The following OR1F1 variants were observed in gnomAD, a reference collection of about 807,000 sequenced individuals.
The protein encoded by OR1F1 is olfactory receptor family 1 subfamily F member 1.
For synonymous variants in OR1F1, 184 were observed against 156.7 expected (o/e 1.17, Z -1.30); for missense variants, 493 against 376.3 (o/e 1.31, Z -2.57).
chr16:3,201,203 TTTTG>T (rs1261086920), upstream of OR1F1, among the ~76,000 whole-genome samples: 2 of 152,244 alleles, frequency 1.3e-5, no homozygotes, highest in Non-Finnish European at 2.9e-5. Flanking sequence ...ATCTACCACA[TTTTG>T]TTTATCTATT....
chr16:3,198,690 C>A, the OR1F1 span, among the ~76,000 whole-genome samples: 11 of 152,236 alleles, frequency 7.2e-5, no homozygotes, highest in East Asian at 2.1e-3. Flanking sequence ...TTTTTGTTTA[C>A]CCTTAAGAAA....
At chr16:3,198,085 A>AGGAGAGGGAGAG in the OR1F1 span, among the ~76,000 whole-genome samples, 3 of 61,286 alleles carry the variant, frequency 4.9e-5, no homozygotes, top group Non-Finnish European at 1.0e-4. Flanking sequence ...GAGAGGGAGA[A>AGGAGAGGGAGAG]GGAGAGGGAG....
the OR1F1 span, chr16:3,191,211 T>G: frequency 6.6e-6 from 1 of 152,130 alleles, no homozygotes; most frequent in Non-Finnish European, 1.5e-5. Context: ...GCGTGCAGTG[T>G]GGGTATGTTT....
chr16:3,194,981 C>T, the OR1F1 span, among the ~76,000 whole-genome samples: 1 of 152,188 alleles, frequency 6.6e-6, no homozygotes, highest in African/African-American at 2.4e-5. Flanking sequence ...GTCTTGGCAT[C>T]GGTCCAGGAT....
exon 1 of OR1F1, chr16:3,204,325 C>T: frequency 6.2e-7 from 1 of 1,614,132 alleles, no homozygotes; most frequent in East Asian, 2.2e-5. Context: ...GCAGCATCTC[C>T]TCTTTGTGTT....
exon 1 of OR1F1, chr16:3,204,679 G>C (rs746944157): frequency 7.4e-6 from 12 of 1,614,048 alleles, no homozygotes; most frequent in African/African-American, 1.3e-5. Context: ...TGCCCTGCTG[G>C]TTGCTGGATT....
the OR1F1 span, among the ~76,000 whole-genome samples, chr16:3,198,195 G>A: frequency 6.6e-6 from 1 of 151,886 alleles, no homozygotes; most frequent in Non-Finnish European, 1.5e-5. Context: ...ATAAGGAATT[G>A]GCTCACGCAG....
the OR1F1 span, among the ~76,000 whole-genome samples, chr16:3,198,238 T>C: frequency 6.6e-6 from 1 of 151,748 alleles, no homozygotes; most frequent in South Asian, 2.1e-4. Flanking sequence ...GTATGCAGGG[T>C]GAGTTGGCAA....
At chr16:3,205,232 A>G (rs778396172), downstream of OR1F1, 20 of 1,423,262 alleles carry the variant, frequency 1.4e-5, no homozygotes, top group Non-Finnish European at 1.9e-5. Flanking sequence ...TTTATTTTTC[A>G]CCAATTGAGT....
chr16:3,201,305 C>G (rs1173711314), upstream of OR1F1, among the ~76,000 whole-genome samples: 1 of 152,042 alleles, frequency 6.6e-6, no homozygotes, highest in African/African-American at 2.4e-5. Flanking sequence ...CTGTTTGAGT[C>G]CCTGTTTTCA....
chr16:3,203,747 A>T (rs550123219), upstream of OR1F1, among the ~76,000 whole-genome samples: 1 of 152,182 alleles, frequency 6.6e-6, no homozygotes, highest in East Asian at 1.9e-4. Context: ...CTGGCGACAG[A>T]GCGAGACTCC....
chr16:3,194,185 C>T, the OR1F1 span, among the ~76,000 whole-genome samples: 2 of 152,174 alleles, frequency 1.3e-5, no homozygotes, highest in African/African-American at 4.8e-5. Context: ...TTTTACTTAC[C>T]TCTCTCCACA....
At chr16:3,189,695 C>A in the OR1F1 span, 4 of 151,812 alleles carry the variant, frequency 2.6e-5, no homozygotes, top group African/African-American at 9.7e-5. Flanking sequence ...GTTCAAATCC[C>A]GGACGAGCCC....
the OR1F1 span, among the ~76,000 whole-genome samples, chr16:3,196,815 C>T: frequency 6.6e-6 from 1 of 151,850 alleles, no homozygotes; most frequent in South Asian, 2.1e-4. Context: ...CTCACCTCAG[C>T]CTCCCAAGTA....
the OR1F1 span, among the ~76,000 whole-genome samples, chr16:3,193,129 G>A: frequency 6.6e-6 from 1 of 152,114 alleles, no homozygotes; most frequent in African/African-American, 2.4e-5. Flanking sequence ...GTTTCGCCAT[G>A]TTGGCCAGGC....
At chr16:3,191,975 G>T in the OR1F1 span, among the ~76,000 whole-genome samples, 38,666 of 152,146 alleles carry the variant, frequency 0.25, 5,019 homozygotes, top group East Asian at 0.31. Flanking sequence ...GAAAAGTAAA[G>T]GGCCTGCTGC....
downstream of OR1F1, among the ~76,000 whole-genome samples, chr16:3,206,051 T>G (rs1192682932): frequency 6.6e-6 from 1 of 152,200 alleles, no homozygotes; most frequent in African/African-American, 2.4e-5. Flanking sequence ...CACTGAATTC[T>G]TTTCCTAGCA....
chr16:3,198,091 GGGAGAGGGAGAA>G, the OR1F1 span, among the ~76,000 whole-genome samples: 709 of 137,184 alleles, frequency 5.2e-3, 2 homozygotes, highest in Non-Finnish European at 8.0e-3. Flanking sequence ...GAGAAGGAGA[GGGAGAGGGAGAA>G]GGAGAGGGAG....
At chr16:3,203,916 G>T (rs1362579616), upstream of OR1F1, among the ~76,000 whole-genome samples, 1 of 152,140 alleles carries the variant, frequency 6.6e-6, no homozygotes, top group East Asian at 1.9e-4. Context: ...CACCCAGTCA[G>T]GACCAGCCTC....
Sources: gnomAD v4.1 joint callset for allele counts (sites outside exome capture counted in the v4.1 genomes callset) on GRCh38, gnomAD v4.1.1 for gene constraint, MANE v1.5 for transcripts, NCBI Gene and HGNC (gene_info 2026-07-23, HGNC 2026-07-21) for gene names.